The following PLEKHG7 variants were observed in gnomAD, a reference collection of about 807,000 sequenced individuals.
The protein encoded by PLEKHG7 is pleckstrin homology and RhoGEF domain containing G7, also known as pleckstrin homology domain-containing family G member 7.
Under a neutral mutation model 85.2 loss-of-function variants are expected in PLEKHG7, and 77 were observed. The observed-to-expected ratio is 0.90, with a 90% confidence interval of 0.75 to 1.09. The LOEUF (loss-of-function observed/expected upper bound fraction) is 1.09, where lower values mean the gene tolerates loss of function less well. Among genes scored for constraint, PLEKHG7 ranks in the 50% least tolerant of loss-of-function variants. The probability of loss-of-function intolerance (pLI) is 0.00; values close to 1 mark genes in which losing one functional copy is unlikely to be tolerated. For synonymous variants in PLEKHG7, 301 were observed against 302.4 expected (o/e 1.00, Z 0.05); for missense variants, 777 against 804.3 (o/e 0.97, Z 0.41).
intron 13 of PLEKHG7, 119 bp downstream of exon 13, chr12:92,756,510 G>A: frequency 1.3e-6 from 1 of 775,952 alleles, no homozygotes; most frequent in South Asian, 1.6e-5. Flanking sequence ...GATGGAGGGT[G>A]TGAATGAGAG....
intron 3 of PLEKHG7, chr12:92,708,617 G>A (rs530536046): frequency 1.3e-5 from 2 of 152,292 alleles, no homozygotes; most frequent in Admixed American, 6.5e-5. Flanking sequence ...GGGTTTAGCT[G>A]AGCAGTTCCA....
chr12:92,703,611 C>T (rs1016504967), intron 1 of PLEKHG7, among the ~76,000 whole-genome samples: 2 of 152,202 alleles, frequency 1.3e-5, no homozygotes, highest in African/African-American at 4.8e-5. Context: ...CTAGGTCACA[C>T]AGCCAATTGG....
chr12:92,707,672 G>C lies in PLEKHG7; in HGVS notation c.530G>C (p.Arg177Thr), dbSNP rs1048113905. 1 of 1,613,952 alleles carries C rather than the reference G, an allele frequency of 6.2e-7. No individual in the cohort carries two copies. The change falls in exon 3 of 17, where the codon AGG becomes ACG. Residue 177 changes from arginine (R) to threonine (T), a missense_variant and splice_region_variant. Arg to Thr is a moderately conservative substitution (Grantham distance 71). Transcript: ENST00000344636. ...CAGGGAGAAGAATTGCACCCATCCA[G>C]GTGTGTATGCATTTATTTTCTCCGG... Reference protein sequence around the residue: ...SPQGEELHPSRFYEHRRSSVV... With the variant: ...SPQGEELHPSTFYEHRRSSVV...
chr12:92,707,444 T>C (rs1174061927), intron 2 of PLEKHG7: 1 of 1,433,262 alleles, frequency 7.0e-7, no homozygotes, highest in Admixed American at 2.8e-5. Context: ...GGGGGCCCTC[T>C]TGCAAATGCA....
chr12:92,707,117 C>T lies in PLEKHG7; in HGVS notation c.486C>T (p.Thr162=), dbSNP rs757019349. 3.7e-6 allele frequency: 6 copies of T among 1,613,480 alleles called. No individual in the cohort carries two copies. Among genetic ancestry groups the T allele is most frequent in the Non-Finnish European group, 5.1e-6 (6 of 1,179,760 alleles). Residue 162 remains threonine (T), a synonymous_variant, in exon 2 of 17, where the codon ACC becomes ACT. Coordinates refer to ENST00000344636, the MANE Select transcript of PLEKHG7 (RefSeq NM_001377329.1). ...AAGGCCACTTCCTGCCCAGCCCCAC[C>T]CTACGACACCCTAGTCCTCAGGTAA... ...QQEGHFLPSP[T]LRHPSPQGEE... is the part of the protein sequence containing the mutation.
chr12:92,749,489 C>T (rs922800805), intron 10 of PLEKHG7: 2 of 152,096 alleles, frequency 1.3e-5, no homozygotes, highest in African/African-American at 4.8e-5. Flanking sequence ...TGGGGTCTCG[C>T]TAGGTTGCCC....
At position 92,741,481 on chromosome 12, in the gene PLEKHG7, C is replaced by G. The variant is rs746834124; in HGVS notation, c.1036-10C>G. 6.3e-7 allele frequency: 1 copy of G among 1,595,662 alleles called. No individual in the cohort carries two copies. The highest frequency in any genetic ancestry group is 1.1e-5 in the South Asian group (1 of 88,194). ...GTGCCTATTTTTGTTTTCTTTCTCT[C>G]TGTCCCTAGACAAGCCTTGGTTTTG... On this transcript the variant is annotated splice_polypyrimidine_tract_variant and intron_variant, in intron 8 of 16. Transcript: ENST00000344636.
chr12:92,752,602 G>A (rs912178031), intron 10 of PLEKHG7, among the ~76,000 whole-genome samples: 1 of 152,102 alleles, frequency 6.6e-6, no homozygotes, highest in Non-Finnish European at 1.5e-5. Flanking sequence ...AGTGTGCCTG[G>A]CCCACCTGAG....
At chr12:92,716,829 A>G (rs1871504309) in intron 3 of PLEKHG7, among the ~76,000 whole-genome samples, 1 of 152,222 alleles carries the variant, frequency 6.6e-6, no homozygotes, top group African/African-American at 2.4e-5. Context: ...CTTCTTATTT[A>G]TCTTTGAACC....
chr12:92,727,989 C>T lies in PLEKHG7; in HGVS notation c.531-1004C>T, dbSNP rs181745793. ...ATATATATATATACACATATATACA[C>T]ACACCACATTCCATGGTGTATATAT... On this transcript the variant is annotated intron_variant, in intron 3 of 16. Coordinates refer to ENST00000344636, the MANE Select transcript of PLEKHG7 (RefSeq NM_001377329.1). Among the ~76,000 whole-genome samples, 28 of 145,358 alleles carry T rather than the reference C, an allele frequency of 1.9e-4. 1 individual carries two copies. Among genetic ancestry groups the T allele is most frequent in the Non-Finnish European group, 3.3e-4 (22 of 66,478 alleles).
Position 92,756,317 on chromosome 12 carries a change from A to C in PLEKHG7, c.1562A>C (p.Lys521Thr). 1 of 1,611,086 alleles carries C rather than the reference A, an allele frequency of 6.2e-7. No individual in the cohort carries two copies. Among genetic ancestry groups the C allele is most frequent in the Non-Finnish European group, 8.5e-7 (1 of 1,177,342 alleles). ...TACAAGTGTTTGAAACACATTTTTA[A>C]AGAACACATGGCAGAAAACATCTTG... ...FIPECLKHIF[K>T]EHMAENILSP... The change falls in exon 13 of 17, where the codon AAA (lysine) becomes ACA (threonine). Residue 521 changes from lysine (K) to threonine (T), a missense_variant. By Grantham distance (78) the Lys-to-Thr change is moderately conservative. Transcript: ENST00000344636.
chr12:92,749,829 T>C (rs1484062289), intron 10 of PLEKHG7: 1 of 151,516 alleles, frequency 6.6e-6, no homozygotes, highest in Non-Finnish European at 1.5e-5. Flanking sequence ...TAATGCTGCA[T>C]CCCACTAAGA....
intron 3 of PLEKHG7, 194 bp downstream of exon 3, chr12:92,707,866 AT>A: frequency 1.2e-6 from 1 of 862,992 alleles, no homozygotes; most frequent in South Asian, 1.7e-5. Context: ...AGAGCACAGC[AT>A]TTGGGGGCAG....
chr12:92,722,296 AT>A (rs1236790659), intron 3 of PLEKHG7, among the ~76,000 whole-genome samples: 2 of 152,106 alleles, frequency 1.3e-5, no homozygotes, highest in African/African-American at 4.8e-5. Flanking sequence ...ATAGAGGCAC[AT>A]TTTCCGCACC....
intron 8 of PLEKHG7, 58 bp downstream of exon 8, chr12:92,741,006 T>C: frequency 8.0e-7 from 1 of 1,256,764 alleles, no homozygotes; most frequent in Admixed American, 1.7e-5. Context: ...TGAAAATTCA[T>C]GCTTGGTCTG....
Position 92,772,149 on chromosome 12 carries a change from G to A in PLEKHG7, c.*1954G>A, listed in dbSNP as rs1333577595. 2 of 151,614 alleles carry A rather than the reference G, an allele frequency of 1.3e-5. No homozygotes were observed. Among genetic ancestry groups the A allele is most frequent in the African/African-American group, 2.4e-5 (1 of 41,302 alleles). The allele number at this position is 151,614 out of a possible 1,614,324, so 9.4% of individuals were successfully genotyped here. Reference sequence around the variant, plus strand: ...CCTTCCAAAAAGTATCTTTGGGGAGGGGAGGGAGAAAAATAAATAAATAAA... The same window carrying A: ...CCTTCCAAAAAGTATCTTTGGGGAGAGGAGGGAGAAAAATAAATAAATAAA... On this transcript the variant is annotated 3_prime_UTR_variant, in exon 17 of 17. Coordinates refer to ENST00000344636, the MANE Select transcript of PLEKHG7 (RefSeq NM_001377329.1).
At chr12:92,761,634 GAAAGAAAGAAAGAAA>G in intron 13 of PLEKHG7, 103 bp from the exon 14 acceptor site, 1 of 278,172 alleles carries the variant, frequency 3.6e-6, no homozygotes. Context: ...AAGAAAGAAA[GAAAGAAAGAAAGAAA>G]GAAAGAAAGA....
chr12:92,731,512 C>T lies in PLEKHG7; in HGVS notation c.659-721C>T, dbSNP rs968790225. Among the ~76,000 whole-genome samples the T allele has an allele frequency of 3.3e-5, 5 of 152,210 alleles. 1 individual carries two copies. Among genetic ancestry groups the T allele is most frequent in the Admixed American group, 6.5e-5 (1 of 15,276 alleles). On this transcript the variant is annotated intron_variant, in intron 4 of 16. Transcript: ENST00000344636. ...TGCTGAATGGTCAGAACATGCCACCCACACCTAAGAGACAATTTTCAGCTT... is the reference window on the plus strand; with the variant it reads ...TGCTGAATGGTCAGAACATGCCACCTACACCTAAGAGACAATTTTCAGCTT...
Position 92,728,997 on chromosome 12 carries a change from T to C in PLEKHG7, c.535T>C (p.Tyr179His). 4.1e-6 allele frequency: 5 copies of C among 1,231,774 alleles called. No homozygotes were observed. The South Asian group carries it at 2.1e-4, about 51-fold the overall frequency. 76.3% of individuals were successfully genotyped at this position (1,231,774 alleles called of 1,614,324 possible). ...CCTTTTATCTCTTGAGCACAGGTTCTACGAGCACAGGCGGAGTTCTGTGGT... is the reference window on the plus strand; with the variant it reads ...CCTTTTATCTCTTGAGCACAGGTTCCACGAGCACAGGCGGAGTTCTGTGGT... ...QGEELHPSRF[Y>H]EHRRSSVVLN... The change falls in exon 4 of 17, where the codon TAC (tyrosine) becomes CAC (histidine). Residue 179 changes from tyrosine to histidine, a missense_variant. Around this residue, in one of 3 missense-constraint regions of PLEKHG7, gnomAD observed 252 missense variants for 241.9 expected, o/e 1.04. Coordinates refer to ENST00000344636, the MANE Select transcript of PLEKHG7 (RefSeq NM_001377329.1).
Sources: allele counts gnomAD v4.1 joint callset (sites outside exome capture counted in the v4.1 genomes callset), GRCh38; gene constraint gnomAD v4.1.1; regional missense constraint gnomAD v4.1.1; transcripts MANE v1.5; gene names NCBI Gene and HGNC (gene_info 2026-07-23, HGNC 2026-07-21).